MBD5: variants seen among roughly 807,000 people sequenced by gnomAD.
MBD5 encodes methyl-CpG binding domain protein 5, also known as methyl-CpG-binding domain protein 5.
A neutral mutation model predicts 117.3 loss-of-function variants in MBD5; 13 were observed. That is an observed-to-expected ratio of 0.11 (90% CI 0.07 to 0.18). MBD5 has a LOEUF of 0.18. MBD5 is among the 10% of genes least tolerant of loss of function. The probability of loss-of-function intolerance (pLI) is 1.00; values close to 1 mark genes in which losing one functional copy is unlikely to be tolerated. For synonymous variants in MBD5, 727 were observed against 766.4 expected (o/e 0.95, Z 0.85); for missense variants, 1,879 against 2,093.8 (o/e 0.90, Z 2.00).
chr2:148,095,755 A>G (rs1345026184), intron 1 of MBD5, among the ~76,000 whole-genome samples: 1 of 151,420 alleles, frequency 6.6e-6, no homozygotes, highest in Non-Finnish European at 1.5e-5. Context: ...TTTTCTGGCT[A>G]CCTTCATCAG....
intron 4 of MBD5, among the ~76,000 whole-genome samples, chr2:148,387,352 A>C (rs61541742): frequency 0.012 from 1,760 of 152,260 alleles, 38 homozygotes; most frequent in African/African-American, 0.041. Context: ...ATCATTCATG[A>C]GAGGAATGAA....
At chr2:148,466,917 G>A (rs1460898139) in intron 7 of MBD5, among the ~76,000 whole-genome samples, 1 of 152,162 alleles carries the variant, frequency 6.6e-6, no homozygotes, top group East Asian at 1.9e-4. Flanking sequence ...GATATGATTT[G>A]ACCTGTATAG....
At chr2:148,463,965 AAGG>A in intron 7 of MBD5, 46 bp downstream of exon 7, 2 of 1,584,414 alleles carry the variant, frequency 1.3e-6, no homozygotes. Flanking sequence ...CTCCCTAGAG[AAGG>A]AGTTGCTAGA....
At chr2:148,119,497 C>A (rs1272657881) in intron 1 of MBD5, among the ~76,000 whole-genome samples, 1 of 152,044 alleles carries the variant, frequency 6.6e-6, no homozygotes, top group Non-Finnish European at 1.5e-5. Flanking sequence ...TACGAAATGT[C>A]CTAGTTTTGA....
chr2:148,118,801 A>G (rs1696699089), intron 1 of MBD5, among the ~76,000 whole-genome samples: 1 of 152,006 alleles, frequency 6.6e-6, no homozygotes, highest in Non-Finnish European at 1.5e-5. Context: ...TTTGTCACTG[A>G]CTTTTTTCAT....
chr2:148,384,548 A>T (rs1559048764), intron 4 of MBD5, among the ~76,000 whole-genome samples: 1 of 152,248 alleles, frequency 6.6e-6, no homozygotes, highest in Non-Finnish European at 1.5e-5. Flanking sequence ...AAGGTAACTT[A>T]TAGATTCAAT....
intron 3 of MBD5, among the ~76,000 whole-genome samples, chr2:148,322,223 A>G (rs1702300751): frequency 6.6e-6 from 1 of 152,232 alleles, no homozygotes; most frequent in Non-Finnish European, 1.5e-5. Flanking sequence ...AATATGGACT[A>G]AAGTATTTGA....
At chr2:148,177,591 G>T (rs1574098858) in intron 1 of MBD5, among the ~76,000 whole-genome samples, 1 of 152,034 alleles carries the variant, frequency 6.6e-6, no homozygotes, top group East Asian at 1.9e-4. Flanking sequence ...TAGTATTTTT[G>T]GAAGTTAATG....
intron 2 of MBD5, among the ~76,000 whole-genome samples, chr2:148,188,322 C>A (rs1302948677): frequency 1.3e-5 from 2 of 151,764 alleles, no homozygotes; most frequent in African/African-American, 4.8e-5. Flanking sequence ...ATATTTAAAC[C>A]CTAGAGCAAT....
chr2:148,230,160 G>T (rs560046000), intron 2 of MBD5, among the ~76,000 whole-genome samples: 147 of 152,258 alleles, frequency 9.7e-4, no homozygotes, highest in African/African-American at 1.7e-3. Context: ...AAGTCCCTGG[G>T]CATGTCCAGA....
At chr2:148,232,598 C>T (rs972685413) in intron 2 of MBD5, among the ~76,000 whole-genome samples, 4 of 150,852 alleles carry the variant, frequency 2.7e-5, no homozygotes, top group Admixed American at 6.6e-5. Flanking sequence ...TGGAGGCTCC[C>T]GAGTAGCTAG....
At chr2:148,295,437 A>T (rs1232252859) in intron 3 of MBD5, among the ~76,000 whole-genome samples, 1 of 152,084 alleles carries the variant, frequency 6.6e-6, no homozygotes, top group Non-Finnish European at 1.5e-5. Context: ...GTGTGCAAAG[A>T]GTATTAGTGG....
At chr2:148,394,838 T>A (rs1704665052) in intron 4 of MBD5, among the ~76,000 whole-genome samples, 1 of 152,168 alleles carries the variant, frequency 6.6e-6, no homozygotes, top group South Asian at 2.1e-4. Flanking sequence ...TGTTTCATGA[T>A]GAATATATTA....
intron 12 of MBD5, among the ~76,000 whole-genome samples, chr2:148,506,114 A>G (rs940001812): frequency 2.6e-5 from 4 of 152,234 alleles, no homozygotes; most frequent in Non-Finnish European, 1.5e-5. Context: ...TATTTTATAT[A>G]GTCATTTTAA....
rs1664109002 is a variant in MBD5 at position 148,490,157 on chromosome 2, T to G, written c.4525T>G (p.Phe1509Val). The G allele has an allele frequency of 1.9e-6, 3 of 1,613,584 alleles. No homozygotes were observed. Among genetic ancestry groups the G allele is most frequent in the Non-Finnish European group, 2.5e-6 (3 of 1,179,912 alleles). ...TAACTACAAAAGAACTATGATGAGT[T>G]TTAAGGAGAGACTAGAGAACACTGT... ...YNNYKRTMMS[F>V]KERLENTVER... The change falls in exon 11 of 14, where the codon TTT (phenylalanine) becomes GTT (valine). Residue 1509 changes from phenylalanine (F) to valine (V), a missense_variant. This residue lies in a region of MBD5 where 1,666 missense variants were observed against 1,792.2 expected (regional missense o/e 0.93). Coordinates refer to ENST00000642680, the MANE Select transcript of MBD5 (RefSeq NM_001378120.1).
chr2:148,253,453 G>A (rs552088603), intron 3 of MBD5, among the ~76,000 whole-genome samples: 1 of 152,230 alleles, frequency 6.6e-6, no homozygotes, highest in African/African-American at 2.4e-5. Context: ...GTACATATTG[G>A]TTGCTGTGAG....
chr2:148,260,431 C>G (rs1700705723), intron 3 of MBD5: 1 of 152,474 alleles, frequency 6.6e-6, no homozygotes, highest in Non-Finnish European at 1.5e-5. Flanking sequence ...GCTCGTTCCA[C>G]AACATCTGTG....
intron 2 of MBD5, among the ~76,000 whole-genome samples, chr2:148,229,333 G>A (rs949153095): frequency 1.1e-4 from 17 of 151,928 alleles, no homozygotes; most frequent in Non-Finnish European, 2.9e-5. Context: ...ATTTCTGCTT[G>A]ATTCTTTGTA....
rs371535023 is a variant in MBD5 at position 148,045,834 on chromosome 2, A to T, written c.-925+24150A>T. Among the ~76,000 whole-genome samples the T allele has an allele frequency of 3.3e-5, 5 of 152,254 alleles. No individual in the cohort carries two copies. In the East Asian group the frequency reaches 7.7e-4, roughly 24 times the overall value. On this transcript the variant is annotated intron_variant, in intron 1 of 13. Transcript: ENST00000642680. ...AGTATGTTAGAATTTGTATATAGCA[A>T]TCTAGAAATTTTGAAAACTTCCCCT...
Sources: gnomAD v4.1 joint callset for allele counts (sites outside exome capture counted in the v4.1 genomes callset) on GRCh38, gnomAD v4.1.1 for gene constraint, gnomAD v4.1.1 regional missense constraint, MANE v1.5 for transcripts, NCBI Gene and HGNC (gene_info 2026-07-23, HGNC 2026-07-21) for gene names.